Variants in IL1RAPL1 observed in about 807,000 individuals in gnomAD.
IL1RAPL1 encodes the protein interleukin-1 receptor accessory protein-like 1.
A neutral mutation model predicts 48.4 loss-of-function variants in IL1RAPL1; 3 were observed. That is an observed-to-expected ratio of 0.06 (90% confidence interval 0.03 to 0.16). The LOEUF is 0.16. Ranked by LOEUF, IL1RAPL1 falls within the 10% of genes least tolerant of loss-of-function variation. IL1RAPL1 has a pLI of 1.00. For missense variants in IL1RAPL1, 349 were observed against 530.6 expected, an observed-to-expected ratio of 0.66 and a Z score of 3.36; for synonymous variants, 185 against 187.7, an observed-to-expected ratio of 0.99 and a Z score of 0.12.
chrX:28,620,730 T>C (rs1458620989), intron 1 of IL1RAPL1, among the ~76,000 whole-genome samples: 2 of 111,976 alleles, frequency 1.8e-5, no homozygotes, highest in Non-Finnish European at 3.8e-5. Context: ...ATTCCATCTT[T>C]CCAATCTAGT....
intron 1 of IL1RAPL1, among the ~76,000 whole-genome samples, chrX:28,742,282 G>T (rs983587577): frequency 2.7e-5 from 3 of 111,338 alleles, no homozygotes; most frequent in Non-Finnish European, 5.7e-5. Context: ...TGCCAGACAA[G>T]ACGGCAACCA....
At chrX:29,067,006 T>G (rs1026324997) in intron 2 of IL1RAPL1, among the ~76,000 whole-genome samples, 2 of 111,741 alleles carry the variant, frequency 1.8e-5, no homozygotes, top group African/African-American at 3.3e-5. Context: ...CGCCACAGAC[T>G]CTCCTTGTTC....
At chrX:29,076,987 T>G (rs931464085) in intron 2 of IL1RAPL1, among the ~76,000 whole-genome samples, 7 of 112,127 alleles carry the variant, frequency 6.2e-5, no homozygotes, top group Admixed American at 5.7e-4. Context: ...CAGCTAAAGG[T>G]CGAGGGCCAA....
chrX:29,614,846 T>G (rs1924229221), intron 5 of IL1RAPL1, among the ~76,000 whole-genome samples: 1 of 111,043 alleles, frequency 9.0e-6, no homozygotes, highest in Non-Finnish European at 1.9e-5. Context: ...GAATATTCTT[T>G]ACAATAGTGA....
intron 2 of IL1RAPL1, among the ~76,000 whole-genome samples, chrX:29,275,828 A>G (rs1014278433): frequency 8.9e-6 from 1 of 112,179 alleles, no homozygotes; most frequent in Admixed American, 9.5e-5. Flanking sequence ...GGTCTATAAC[A>G]TGTTGTCTCA....
At chrX:29,876,197 A>C (rs1931900210) in intron 6 of IL1RAPL1, among the ~76,000 whole-genome samples, 1 of 111,681 alleles carries the variant, frequency 9.0e-6, no homozygotes, top group Non-Finnish European at 1.9e-5. Flanking sequence ...TATGCCAAAA[A>C]AAATGTAGTC....
At chrX:28,708,658 A>G (rs190771138) in intron 1 of IL1RAPL1, among the ~76,000 whole-genome samples, 194 of 111,698 alleles carry the variant, frequency 1.7e-3, no homozygotes, top group African/African-American at 5.3e-3. Flanking sequence ...TGTCATTTGC[A>G]GCAACATGGA....
intron 3 of IL1RAPL1, among the ~76,000 whole-genome samples, chrX:29,380,958 A>G (rs1191609839): frequency 1.8e-5 from 2 of 112,384 alleles, no homozygotes. Flanking sequence ...GTATTGAGCC[A>G]GTGAAACTAT....
chrX:28,721,563 T>C (rs769209747), intron 1 of IL1RAPL1, among the ~76,000 whole-genome samples: 1,167 of 111,477 alleles, frequency 0.01, 15 homozygotes, highest in African/African-American at 0.036. Context: ...ACTCTGATGG[T>C]AGTTTCTTTT....
intron 6 of IL1RAPL1, among the ~76,000 whole-genome samples, chrX:29,855,170 C>T (rs2147200739): frequency 9.0e-6 from 1 of 111,300 alleles, no homozygotes; most frequent in East Asian, 2.8e-4. Flanking sequence ...TGTTTATTAC[C>T]CCAGATAGTG....
intron 2 of IL1RAPL1, among the ~76,000 whole-genome samples, chrX:28,974,687 T>C (rs1437938069): frequency 2.7e-5 from 3 of 111,982 alleles, no homozygotes; most frequent in Non-Finnish European, 5.6e-5. Flanking sequence ...TAGACTAACA[T>C]GTGCAGGGAT....
At chrX:28,962,994 ACTCC>A (rs1349072301) in intron 2 of IL1RAPL1, among the ~76,000 whole-genome samples, 2 of 108,818 alleles carry the variant, frequency 1.8e-5, no homozygotes, top group African/African-American at 6.7e-5. Flanking sequence ...GATTTTGATA[ACTCC>A]CTCACTTACT....
intron 5 of IL1RAPL1, among the ~76,000 whole-genome samples, chrX:29,564,784 T>C (rs1404958475): frequency 8.8e-6 from 1 of 113,065 alleles, no homozygotes; most frequent in African/African-American, 3.2e-5. Context: ...GTTGTTGTTA[T>C]AAATTATTAC....
At chrX:28,802,349 T>G (rs1235382248) in intron 2 of IL1RAPL1, among the ~76,000 whole-genome samples, 2 of 112,271 alleles carry the variant, frequency 1.8e-5, no homozygotes, top group Non-Finnish European at 3.8e-5. Context: ...TTAAGACATC[T>G]ATGCAAGACA....
intron 2 of IL1RAPL1, among the ~76,000 whole-genome samples, chrX:29,022,219 A>G (rs774169228): frequency 1.4e-4 from 16 of 110,975 alleles, no homozygotes; most frequent in African/African-American, 3.9e-4. Context: ...CCCTCATGAG[A>G]GTCCTCTATT....
intron 2 of IL1RAPL1, among the ~76,000 whole-genome samples, chrX:29,044,499 A>G: frequency 9.0e-6 from 1 of 111,510 alleles, no homozygotes; most frequent in Non-Finnish European, 1.9e-5. Flanking sequence ...GGTTAAAAAA[A>G]ACAACATAAA....
At chrX:29,827,918 A>G (rs1930777453) in intron 6 of IL1RAPL1, among the ~76,000 whole-genome samples, 1 of 112,326 alleles carries the variant, frequency 8.9e-6, no homozygotes, top group Non-Finnish European at 1.9e-5. Context: ...TCTCACTTAC[A>G]TGGGCCTCTT....
chrX:29,658,047 A>G (rs1569139341), intron 5 of IL1RAPL1, among the ~76,000 whole-genome samples: 3 of 111,931 alleles, frequency 2.7e-5, no homozygotes, highest in African/African-American at 6.5e-5. Context: ...TAGTCATGCA[A>G]TCAGTTGGAA....
intron 2 of IL1RAPL1, among the ~76,000 whole-genome samples, chrX:29,174,902 G>A (rs758047329): frequency 9.1e-5 from 10 of 109,952 alleles, no homozygotes; most frequent in Non-Finnish European, 1.3e-4. Context: ...GTGAAACCCC[G>A]TCTCTACTAA....
Sources: gnomAD v4.1 joint callset for allele counts (sites outside exome capture counted in the v4.1 genomes callset) on GRCh38, gnomAD v4.1.1 for gene constraint, MANE v1.5 for transcripts, NCBI Gene and HGNC (gene_info 2026-07-23, HGNC 2026-07-21) for gene names.